The following MAPK8IP3 variants were observed in gnomAD, a reference collection of about 807,000 sequenced individuals.
MAPK8IP3 encodes mitogen-activated protein kinase 8 interacting protein 3.
In MAPK8IP3, 49 loss-of-function variants were observed where a neutral mutation model predicts 157.8. That is an observed-to-expected ratio of 0.31 (90% CI 0.25 to 0.39). The LOEUF (loss-of-function observed/expected upper bound fraction) is 0.39, where lower values mean the gene tolerates loss of function less well. Ranked by LOEUF, MAPK8IP3 falls within the 10% of genes least tolerant of loss-of-function variation. The pLI, the probability that MAPK8IP3 is intolerant of heterozygous loss-of-function variation, is 1.00. For missense variants in MAPK8IP3, 1,478 were observed against 1,889.4 expected, an observed-to-expected ratio of 0.78 and a Z score of 4.04; for synonymous variants, 897 against 777.7, an observed-to-expected ratio of 1.15 and a Z score of -2.55.
At chr16:1,763,143 A>T (rs896717601) in intron 16 of MAPK8IP3, 137 bp downstream of exon 16, 59 of 1,139,278 alleles carry the variant, frequency 5.2e-5, no homozygotes, top group Non-Finnish European at 7.0e-5. Flanking sequence ...AGGGGCCGTG[A>T]CCTCTCCCTG....
In MAPK8IP3 at chr16:1,764,162, G is replaced by A. The variant is rs762336632; in HGVS notation, c.2073G>A (p.Pro691=). Residue 691 remains proline (P), a synonymous_variant, in exon 18 of 32, where the codon CCG becomes CCA. Transcript: ENST00000610761. The part of the protein sequence containing the change: ...GQEDTRMKNV[P]VPVYCRPLVE... ...AGGACACGCGGATGAAGAACGTGCC[G>A]GTGCCGGTGTACTGCCGCCCTCTGG... is the stretch of plus-strand genomic sequence containing the variant. 6.2e-7 allele frequency: 1 copy of A among 1,611,800 alleles called. No individual in the cohort carries two copies. The highest frequency in any genetic ancestry group is 1.1e-5 in the South Asian group (1 of 91,042).
intron 1 of MAPK8IP3, among the ~76,000 whole-genome samples, chr16:1,716,122 T>C (rs1567138236): frequency 6.6e-6 from 1 of 152,174 alleles, no homozygotes; most frequent in Non-Finnish European, 1.5e-5. Flanking sequence ...GAAAGAACTT[T>C]CCTGGCCATT....
chr16:1,718,074 C>T (rs559754660), intron 1 of MAPK8IP3, among the ~76,000 whole-genome samples: 43 of 152,010 alleles, frequency 2.8e-4, no homozygotes, highest in Non-Finnish European at 4.4e-4. Flanking sequence ...AGGATGGTCT[C>T]GATCTCCTGA....
chr16:1,711,870 G>A (rs1008362620), intron 1 of MAPK8IP3, among the ~76,000 whole-genome samples: 2 of 150,340 alleles, frequency 1.3e-5, no homozygotes, highest in African/African-American at 4.9e-5. Flanking sequence ...AACACAGGAG[G>A]TAGAGCTTGC....
intron 12 of MAPK8IP3, 94 bp from the exon 13 acceptor site, chr16:1,761,130 C>A: frequency 1.0e-6 from 1 of 995,862 alleles, no homozygotes; most frequent in Non-Finnish European, 1.6e-6. Context: ...TGCACAGAGG[C>A]AAGGACACAG....
chr16:1,737,372 G>T lies in MAPK8IP3; in HGVS notation c.603-5960G>T, dbSNP rs1177840379. ...CGTCCGTGAGTGTGTGACCGTCCGT[G>T]TGAGAGTGTGACCATCCATGTGAGC... is the stretch of plus-strand genomic sequence containing the variant. On this transcript the variant is annotated intron_variant, in intron 4 of 31. Transcript: ENST00000610761. Among the ~76,000 whole-genome samples, 5 of 107,424 alleles carry T rather than the reference G, an allele frequency of 4.7e-5. 1 individual carries two copies. Among genetic ancestry groups the T allele is most frequent in the African/African-American group, 1.9e-4 (5 of 25,946 alleles). 70.5% of individuals were successfully genotyped at this position (107,424 alleles called of 152,430 possible). A position where few individuals can be genotyped will look rare whatever the true frequency, so the allele number is the denominator to read the frequency against.
In MAPK8IP3 at chr16:1,768,811, A is replaced by G. The variant is rs2042444480; in HGVS notation, c.4001A>G (p.Tyr1334Cys). ...RSHIIVWQVSYTPE is the reference protein window; with the variant it reads ...RSHIIVWQVSCTPE ...CACATCATCGTGTGGCAGGTGTCCT[A>G]CACCCCCGAGTGAAGCTGCTGCCCT... Residue 1334 changes from tyrosine to cysteine, a missense_variant, in exon 32 of 32, where the codon TAC becomes TGC. Physicochemically the swap from Tyr to Cys is radical, Grantham distance 194. Around this residue, in one of 11 missense-constraint regions of MAPK8IP3, gnomAD observed 133 missense variants for 133.4 expected, o/e 1.00. Coordinates refer to ENST00000610761, the MANE Select transcript of MAPK8IP3 (RefSeq NM_001318852.2). The G allele has an allele frequency of 1.9e-6, 3 of 1,612,242 alleles. No homozygotes were observed. Among genetic ancestry groups the G allele is most frequent in the Non-Finnish European group, 2.5e-6 (3 of 1,179,736 alleles).
intron 5 of MAPK8IP3, chr16:1,745,599 C>G (rs999924043): frequency 6.6e-6 from 1 of 152,494 alleles, no homozygotes; most frequent in Non-Finnish European, 1.5e-5. Context: ...GCTGGACATG[C>G]ATGGCCTGGG....
rs1358228643 is a variant in MAPK8IP3 at position 1,743,130 on chromosome 16, G to C, written c.603-202G>C. 2.0e-5 allele frequency among the ~76,000 whole-genome samples: 3 copies of C among 151,926 alleles called. No homozygotes were observed. The highest frequency in any genetic ancestry group is 4.4e-5 in the Non-Finnish European group (3 of 67,984). On this transcript the variant is annotated intron_variant, in intron 4 of 31. Coordinates refer to ENST00000610761, the MANE Select transcript of MAPK8IP3 (RefSeq NM_001318852.2). This position sits in a 1 kb window ranked among gnomAD's most constrained non-coding sequence, Gnocchi z 5.6. The stretch of plus-strand genomic sequence containing the variant: ...AAATAAAATAAAATAAAATAAAATT[G>C]AACTTAATAAAAATGAGAAACTGCA...
Position 1,765,854 on chromosome 16 carries a change from A to C in MAPK8IP3, c.2447-106A>C, listed in dbSNP as rs2042225245. 6 of 1,053,272 alleles carry C rather than the reference A, an allele frequency of 5.7e-6. No homozygotes were observed. The Admixed American group carries it at 1.4e-4, about 25-fold the overall frequency. 65.2% of individuals were successfully genotyped at this position (1,053,272 alleles called of 1,614,324 possible). A position where few individuals can be genotyped will look rare whatever the true frequency, so the allele number is the denominator to read the frequency against. On this transcript the variant is annotated intron_variant, in intron 20 of 31. Coordinates refer to ENST00000610761, the MANE Select transcript of MAPK8IP3 (RefSeq NM_001318852.2). ...TGTGTGGAAGCTGGGTCTGCTGGGA[A>C]AGTGGAAGGCCAGCCCCGGCTTCCT...
chr16:1,721,513 GC>G (rs1056634000), intron 1 of MAPK8IP3, among the ~76,000 whole-genome samples: 7 of 152,046 alleles, frequency 4.6e-5, no homozygotes, highest in Non-Finnish European at 1.0e-4. Context: ...GCTCACTGCA[GC>G]CCCGACCTCC....
At chr16:1,723,831 G>A (rs1840124615) in intron 1 of MAPK8IP3, among the ~76,000 whole-genome samples, 1 of 152,114 alleles carries the variant, frequency 6.6e-6, no homozygotes, top group Non-Finnish European at 1.5e-5. Context: ...GACCTTTTAT[G>A]AGCTGCTTTT....
At chr16:1,721,062 G>A (rs147377062) in intron 1 of MAPK8IP3, among the ~76,000 whole-genome samples, 5 of 151,830 alleles carry the variant, frequency 3.3e-5, no homozygotes, top group Non-Finnish European at 7.4e-5. Context: ...ACAAGGCTGG[G>A]CATGGGGGCT....
At chr16:1,760,332 A>T in intron 11 of MAPK8IP3, 48 bp from the exon 12 acceptor site, 3 of 1,576,342 alleles carry the variant, frequency 1.9e-6, no homozygotes, top group Non-Finnish European at 2.6e-6. Flanking sequence ...CCCTTCACGT[A>T]CCTGTATGCC....
intron 8 of MAPK8IP3, among the ~76,000 whole-genome samples, chr16:1,753,445 A>T (rs895138147): frequency 0.018 from 2,646 of 149,046 alleles, 35 homozygotes; most frequent in South Asian, 0.05. Context: ...TTATTTATTT[A>T]TTTATTTATT....
rs1163033854 is a variant in MAPK8IP3 at position 1,741,851 on chromosome 16, A to T, written c.603-1481A>T. Reference sequence around the variant, plus strand: ...CAGGATACGGTGTTGTCCTGAACATAACAGAGCAGGCGGCCAGTCCCCAGA... The same window carrying T: ...CAGGATACGGTGTTGTCCTGAACATTACAGAGCAGGCGGCCAGTCCCCAGA... On this transcript the variant is annotated intron_variant, in intron 4 of 31. Transcript: ENST00000610761. This position sits in a 1 kb window ranked among gnomAD's most constrained non-coding sequence, Gnocchi z 6.9. 6.6e-6 allele frequency among the ~76,000 whole-genome samples: 1 copy of T among 152,112 alleles called. No homozygotes were observed. Among genetic ancestry groups the T allele is most frequent in the Non-Finnish European group, 1.5e-5 (1 of 67,992 alleles).
At position 1,766,478 on chromosome 16, in the gene MAPK8IP3, G is replaced by C. The variant is rs538814655; in HGVS notation, c.2820-51G>C. The C allele has an allele frequency of 3.1e-6, 5 of 1,603,746 alleles. No individual in the cohort carries two copies. The East Asian group carries it at 1.1e-4, about 36-fold the overall frequency. On this transcript the variant is annotated intron_variant, in intron 22 of 31. Transcript: ENST00000610761. ...AGGTGGGAAGGGCCTCGGGGTCTTG[G>C]GGCAGGTGCGTGCTCCGTGGCCCCC...
intron 1 of MAPK8IP3, among the ~76,000 whole-genome samples, chr16:1,715,046 A>G (rs560164850): frequency 2.0e-5 from 3 of 152,172 alleles, no homozygotes; most frequent in South Asian, 2.1e-4. Flanking sequence ...ATACAAATGT[A>G]TATGTACTAG....
At chr16:1,734,385 G>A (rs1366495064) in intron 4 of MAPK8IP3, among the ~76,000 whole-genome samples, 1 of 152,184 alleles carries the variant, frequency 6.6e-6, no homozygotes, top group East Asian at 1.9e-4. Context: ...GCCTGCTGTT[G>A]CGGTGGTGGC....
Sources: allele counts gnomAD v4.1 joint callset (sites outside exome capture counted in the v4.1 genomes callset), GRCh38; gene constraint gnomAD v4.1.1; regional missense constraint gnomAD v4.1.1; non-coding constraint Gnocchi (gnomAD v3.1); transcripts MANE v1.5; gene names NCBI Gene and HGNC (gene_info 2026-07-23, HGNC 2026-07-21).